The following NHSL1 variants were observed in gnomAD, a reference collection of about 807,000 sequenced individuals.
NHSL1 encodes the protein NHS like 1.
In NHSL1, 48 loss-of-function variants were observed where a neutral mutation model predicts 95.0. That is an observed-to-expected ratio of 0.51 (90% CI 0.40 to 0.64). The LOEUF is 0.64. Ranked by LOEUF, NHSL1 falls within the 30% of genes least tolerant of loss-of-function variation. The probability of loss-of-function intolerance (pLI) is 0.00; values close to 1 mark genes in which losing one functional copy is unlikely to be tolerated. For synonymous variants in NHSL1, 783 were observed against 833.9 expected (o/e 0.94, Z 1.05); for missense variants, 1,971 against 2,077.7 (o/e 0.95, Z 1.00).
intron 1 of NHSL1, among the ~76,000 whole-genome samples, chr6:138,581,717 A>T (rs1039630586): frequency 1.2e-4 from 17 of 140,254 alleles, no homozygotes; most frequent in East Asian, 1.2e-3. Context: ...AAAAAAAAAA[A>T]TTTCAGGAAA....
intron 1 of NHSL1, among the ~76,000 whole-genome samples, chr6:138,619,903 G>A (rs566128989): frequency 2.8e-5 from 4 of 143,376 alleles, no homozygotes; most frequent in East Asian, 2.1e-4. Flanking sequence ...AGCTGAGATC[G>A]TGCCACTGCA....
intron 1 of NHSL1, chr6:138,512,517 A>AT (rs1781278736): frequency 5.6e-6 from 1 of 179,378 alleles, no homozygotes; most frequent in Non-Finnish European, 1.2e-5. Flanking sequence ...CTTTACTTGA[A>AT]TTGTTTTTAA....
chr6:138,450,014 AC>A (rs1420642920), intron 3 of NHSL1, among the ~76,000 whole-genome samples: 1 of 152,216 alleles, frequency 6.6e-6, no homozygotes, highest in African/African-American at 2.4e-5. Flanking sequence ...ATCCATTGAT[AC>A]TTGATCTGAT....
intron 1 of NHSL1, among the ~76,000 whole-genome samples, chr6:138,520,648 A>G (rs1487856410): frequency 1.3e-5 from 2 of 152,180 alleles, no homozygotes; most frequent in African/African-American, 4.8e-5. Context: ...CTCTGCTGGT[A>G]AAAATGAGAA....
At chr6:138,664,136 C>G (rs764504305) in intron 1 of NHSL1, among the ~76,000 whole-genome samples, 15 of 152,314 alleles carry the variant, frequency 9.8e-5, no homozygotes, top group Middle Eastern at 3.4e-3. Context: ...AAATTTCACA[C>G]CTGCGTTCCA....
At chr6:138,584,774 A>G (rs552483684) in intron 1 of NHSL1, among the ~76,000 whole-genome samples, 1 of 152,294 alleles carries the variant, frequency 6.6e-6, no homozygotes, top group Admixed American at 6.5e-5. Flanking sequence ...AGTAAACACC[A>G]CGCCCTTTCC....
intron 1 of NHSL1, among the ~76,000 whole-genome samples, chr6:138,613,635 C>T (rs894921630): frequency 6.6e-6 from 1 of 152,182 alleles, no homozygotes; most frequent in Non-Finnish European, 1.5e-5. Context: ...AAACGGACTG[C>T]CCTGCATCCT....
At chr6:138,505,426 T>C (rs1490226641) in intron 1 of NHSL1, among the ~76,000 whole-genome samples, 1 of 152,054 alleles carries the variant, frequency 6.6e-6, no homozygotes, top group Non-Finnish European at 1.5e-5. Context: ...GAGGCCAAGA[T>C]AGGCGGATCA....
At chr6:138,586,283 C>G (rs1386020432) in intron 1 of NHSL1, among the ~76,000 whole-genome samples, 1 of 152,010 alleles carries the variant, frequency 6.6e-6, no homozygotes, top group African/African-American at 2.4e-5. Context: ...TTAGTAATGA[C>G]AGGGTTTCAC....
chr6:138,518,319 T>C (rs1006394128), intron 1 of NHSL1, among the ~76,000 whole-genome samples: 1 of 151,972 alleles, frequency 6.6e-6, no homozygotes, highest in Non-Finnish European at 1.5e-5. Context: ...GCTAAGTCTA[T>C]CAACTCAACA....
intron 1 of NHSL1, among the ~76,000 whole-genome samples, chr6:138,540,788 C>G (rs1236989132): frequency 6.6e-6 from 1 of 152,112 alleles, no homozygotes; most frequent in Non-Finnish European, 1.5e-5. Context: ...GAGTATAGGA[C>G]CCTATCGTTC....
At chr6:138,627,527 C>A (rs985962989) in intron 1 of NHSL1, among the ~76,000 whole-genome samples, 2 of 152,004 alleles carry the variant, frequency 1.3e-5, no homozygotes, top group African/African-American at 4.8e-5. Flanking sequence ...CTTCTTTAAT[C>A]GTCAGAAAAA....
intron 1 of NHSL1, among the ~76,000 whole-genome samples, chr6:138,515,670 G>C (rs1190122355): frequency 6.6e-6 from 1 of 152,208 alleles, no homozygotes; most frequent in Non-Finnish European, 1.5e-5. Flanking sequence ...CATTCTATTG[G>C]ACGGAAGAAG....
At chr6:138,597,372 C>T (rs1355930301) in intron 1 of NHSL1, among the ~76,000 whole-genome samples, 1 of 152,088 alleles carries the variant, frequency 6.6e-6, no homozygotes, top group Non-Finnish European at 1.5e-5. Context: ...CTGTTATTTC[C>T]TTTTAATAGT....
At chr6:138,619,515 G>C (rs762200174) in intron 1 of NHSL1, among the ~76,000 whole-genome samples, 14 of 152,090 alleles carry the variant, frequency 9.2e-5, no homozygotes, top group Non-Finnish European at 1.8e-4. Context: ...GTTACTTTTC[G>C]TACCTACTAT....
chr6:138,532,146 T>A (rs149273643), intron 1 of NHSL1, among the ~76,000 whole-genome samples: 13 of 152,292 alleles, frequency 8.5e-5, no homozygotes, highest in African/African-American at 4.8e-5. Flanking sequence ...AAGCAGATAT[T>A]CCCTCAAGGC....
Position 138,606,702 on chromosome 6 carries a change from C to CTTTTTT in NHSL1, c.96+85768_96+85773dup, listed in dbSNP as rs777156294. Among the ~76,000 whole-genome samples the CTTTTTT allele has an allele frequency of 6.2e-4, 76 of 123,368 alleles. 2 individuals carry two copies. The highest frequency in any genetic ancestry group is 2.1e-3 in the East Asian group (9 of 4,352). 80.9% of individuals were successfully genotyped at this position (123,368 alleles called of 152,430 possible). On this transcript the variant is annotated intron_variant, in intron 1 of 3. Transcript: ENST00000491526. ...GCTACTTCTTTTTCTTTCTTTCTTTCTTTTTTTTTTTTTTTTTTGAGACAG... is the reference window on the plus strand; with the variant it reads ...GCTACTTCTTTTTCTTTCTTTCTTTCTTTTTTTTTTTTTTTTTTTTTTTTGAGACAG...
In NHSL1 at chr6:138,431,352, C is replaced by G; in HGVS notation, c.2993G>C (p.Ser998Thr). Reference protein sequence around the residue: ...WCLSPPRPALSPILPDSPVSL... With the variant: ...WCLSPPRPALTPILPDSPVSL... ...CACAGGTGAATCTGGAAGAATGGGG[C>G]TCAGTGCAGGGCGGGGAGGAGAAAG... is the stretch of plus-strand genomic sequence containing the variant. The change falls in exon 6 of 8, where the codon AGC becomes ACC. Residue 998 changes from serine to threonine, a missense_variant. Coordinates refer to ENST00000343505, the MANE Select transcript of NHSL1 (RefSeq NM_001144060.2). The surrounding 1 kb of genome is among the most constrained non-coding windows in gnomAD (Gnocchi z 4.0). 1.3e-6 allele frequency: 2 copies of G among 1,535,246 alleles called. No individual in the cohort carries two copies. The highest frequency in any genetic ancestry group is 1.8e-6 in the Non-Finnish European group (2 of 1,139,760).
At chr6:138,481,042 A>G (rs1008383030) in intron 2 of NHSL1, among the ~76,000 whole-genome samples, 3 of 152,212 alleles carry the variant, frequency 2.0e-5, no homozygotes, top group African/African-American at 7.2e-5. Context: ...GTAAAAGGCC[A>G]GTTCTATCAC....
Sources: allele counts gnomAD v4.1 joint callset (sites outside exome capture counted in the v4.1 genomes callset), GRCh38; gene constraint gnomAD v4.1.1; non-coding constraint Gnocchi (gnomAD v3.1); transcripts MANE v1.5; gene names NCBI Gene and HGNC (gene_info 2026-07-23, HGNC 2026-07-21).